The following SLC25A34 variants were observed in gnomAD, a reference collection of about 807,000 sequenced individuals.
The protein encoded by SLC25A34 is solute carrier family 25 member 34.
Under a neutral mutation model 28.1 loss-of-function variants are expected in SLC25A34, and 26 were observed. The ratio of observed to expected loss-of-function variants is 0.93; its 90% CI spans 0.68 to 1.28. The LOEUF (loss-of-function observed/expected upper bound fraction) is 1.28. Ranked by LOEUF, SLC25A34 falls within the 50% of genes most tolerant of loss-of-function variation. The pLI is 0.00. For missense variants in SLC25A34, 384 were observed against 409.8 expected, an observed-to-expected ratio of 0.94 and a Z score of 0.54; for synonymous variants, 182 against 182.2, an observed-to-expected ratio of 1.00 and a Z score of 0.01.
At position 15,739,509 on chromosome 1, in the gene SLC25A34, G is replaced by A. The variant is rs1457532044; in HGVS notation, c.*103G>A. 1.5e-6 allele frequency: 2 copies of A among 1,373,660 alleles called. No individual in the cohort carries two copies. Among genetic ancestry groups the A allele is most frequent in the East Asian group, 2.6e-5 (1 of 38,214 alleles). 85.1% of individuals were successfully genotyped at this position (1,373,660 alleles called of 1,614,324 possible). ...GTCCCGGGGCGGGCCATGGGCCCAG[G>A]CCCTGCCAGAGGTCCCGGGAGAGTG... On this transcript the variant is annotated 3_prime_UTR_variant, in exon 5 of 5. Coordinates refer to ENST00000294454, the MANE Select transcript of SLC25A34 (RefSeq NM_207348.3).
chr1:15,739,150 C>A, intron 4 of SLC25A34, 74 bp from the exon 5 acceptor site: 1 of 1,542,872 alleles, frequency 6.5e-7, no homozygotes, highest in South Asian at 1.2e-5. Context: ...TGAAATTGAC[C>A]CGTGTGCCAA....
intron 3 of SLC25A34, 136 bp from the exon 4 acceptor site, chr1:15,738,457 TG>T: frequency 1.5e-6 from 2 of 1,349,082 alleles, no homozygotes; most frequent in Non-Finnish European, 2.0e-6. Context: ...GTGGCAGGGC[TG>T]GGGGATGGCT....
intron 3 of SLC25A34, 63 bp downstream of exon 3, chr1:15,738,308 G>A: frequency 6.6e-7 from 1 of 1,519,368 alleles, no homozygotes; most frequent in Admixed American, 2.2e-5. Flanking sequence ...GGGGCCACCT[G>A]CCTCCTTCCA....
intron 3 of SLC25A34, 128 bp from the exon 4 acceptor site, chr1:15,738,466 G>C: frequency 7.2e-7 from 1 of 1,382,936 alleles, no homozygotes; most frequent in Non-Finnish European, 9.6e-7. Flanking sequence ...CTGGGGGATG[G>C]CTGGAGGGGC....
In SLC25A34 at chr1:15,738,193, C is replaced by T; in HGVS notation, c.545C>T (p.Ala182Val). 2 of 1,605,432 alleles carry T rather than the reference C, an allele frequency of 1.2e-6. No individual in the cohort carries two copies. Among genetic ancestry groups the T allele is most frequent in the Non-Finnish European group, 1.7e-6 (2 of 1,175,990 alleles). ...GTGCCCCGAGTCATGGTGGGCTCAG[C>T]TGCCCAGCTGGCCACCTTCGCCTCT... The part of the protein sequence containing the change: ...GAVPRVMVGS[A>V]AQLATFASAK... Residue 182 changes from alanine (A) to valine (V), a missense_variant, in exon 3 of 5, where the codon GCT becomes GTT. Ala to Val is a moderately conservative substitution (Grantham distance 64). Transcript: ENST00000294454.
In SLC25A34 at chr1:15,736,772, A is replaced by G. The variant is rs763020784; in HGVS notation, c.287A>G (p.Gln96Arg). Reference sequence around the variant, plus strand: ...TTCTACTGCTACAGCCTGGCGTGCCAGGCTGGCCTCACGCAGCAACCAGGT... The same window carrying G: ...TTCTACTGCTACAGCCTGGCGTGCCGGGCTGGCCTCACGCAGCAACCAGGT... ...VRFYCYSLAC[Q>R]AGLTQQPGGT... Residue 96 changes from glutamine (Q) to arginine (R), a missense_variant, in exon 1 of 5, where the codon CAG (glutamine) becomes CGG (arginine). Physicochemically the swap from Gln to Arg is conservative, Grantham distance 43 (BLOSUM62 1). Transcript: ENST00000294454. The G allele has an allele frequency of 4.4e-6, 7 of 1,606,720 alleles. No individual in the cohort carries two copies. Among genetic ancestry groups the G allele is most frequent in the Middle Eastern group, 1.7e-4 (1 of 6,030 alleles).
Position 15,739,500 on chromosome 1 carries a change from T to C in SLC25A34, c.*94T>C, listed in dbSNP as rs2068260863. 7.1e-7 allele frequency: 1 copy of C among 1,416,072 alleles called. No homozygotes were observed. Among genetic ancestry groups the C allele is most frequent in the Non-Finnish European group, 9.3e-7 (1 of 1,072,684 alleles). 87.7% of individuals were successfully genotyped at this position (1,416,072 alleles called of 1,614,324 possible). On this transcript the variant is annotated 3_prime_UTR_variant, in exon 5 of 5. Transcript: ENST00000294454. The stretch of plus-strand genomic sequence containing the variant: ...CAACTGGCTGTCCCGGGGCGGGCCA[T>C]GGGCCCAGGCCCTGCCAGAGGTCCC...
rs1247355864 is a variant in SLC25A34, at chr1:15,739,882, C to T, written c.*476C>T. 3.3e-5 allele frequency: 5 copies of T among 153,140 alleles called. No individual in the cohort carries two copies. The highest frequency in any genetic ancestry group is 9.6e-5 in the African/African-American group (4 of 41,504). 9.5% of individuals were successfully genotyped at this position (153,140 alleles called of 1,614,324 possible). On this transcript the variant is annotated 3_prime_UTR_variant, in exon 5 of 5. Transcript: ENST00000294454. ...GGACTGGAGCTTAGCCCTGCTCACC[C>T]TAGACCTATGCGCTTGACAAGTGCG...
At position 15,736,462 on chromosome 1, in the gene SLC25A34, C is replaced by T. The variant is rs1243631717; in HGVS notation, c.-24C>T. 2.1e-6 allele frequency: 3 copies of T among 1,429,718 alleles called. No individual in the cohort carries two copies. In the East Asian group the frequency reaches 7.9e-5, roughly 38 times the overall value. The allele number at this position is 1,429,718 out of a possible 1,614,324, so 88.6% of individuals were successfully genotyped here. On this transcript the variant is annotated 5_prime_UTR_variant, in exon 1 of 5. Coordinates refer to ENST00000294454, the MANE Select transcript of SLC25A34 (RefSeq NM_207348.3). ...CTGTGCCGTGCCCCTGACCCGGGCA[C>T]AGAAGGCCACTGGCCCGGAGGCCAT...
intron 1 of SLC25A34, 86 bp from the exon 2 acceptor site, chr1:15,737,843 C>T (rs997454232): frequency 2.9e-5 from 43 of 1,479,230 alleles, no homozygotes; most frequent in South Asian, 1.4e-4. Flanking sequence ...TTCAGGGGCA[C>T]GGGGGCAGGG....
rs765006576 is a variant in SLC25A34 at position 15,737,936 on chromosome 1, C to T, written c.386C>T (p.Thr129Met). The change falls in exon 2 of 5, where the codon ACG becomes ATG. Residue 129 changes from threonine (T) to methionine (M), a missense_variant. Coordinates refer to ENST00000294454, the MANE Select transcript of SLC25A34 (RefSeq NM_207348.3). ...FVGSPAYLIKTQLQAQTVAAV... is the reference protein window; with the variant it reads ...FVGSPAYLIKMQLQAQTVAAV... ...TCCTCTCTGCTCCCATAGATCAAAA[C>T]GCAGCTGCAAGCTCAGACAGTGGCC... 2.0e-5 allele frequency: 33 copies of T among 1,614,090 alleles called. No homozygotes were observed. The highest frequency in any genetic ancestry group is 6.7e-5 in the East Asian group (3 of 44,872).
At chr1:15,737,839 G>T in intron 1 of SLC25A34, 90 bp from the exon 2 acceptor site, 1 of 1,429,370 alleles carries the variant, frequency 7.0e-7, no homozygotes, top group Non-Finnish European at 9.8e-7. Flanking sequence ...GAGTTTCAGG[G>T]GCACGGGGGC....
chr1:15,741,166 C>T lies in SLC25A34; in HGVS notation c.*1760C>T, dbSNP rs2068276907. ...GACGTGGCAGGGCCAGCAGCAGACC[C>T]TGGGCCTTTCTCTAGACTGAGCACC... On this transcript the variant is annotated 3_prime_UTR_variant, in exon 5 of 5. Coordinates refer to ENST00000294454, the MANE Select transcript of SLC25A34 (RefSeq NM_207348.3). 1 of 152,584 alleles carries T rather than the reference C, an allele frequency of 6.6e-6. No individual in the cohort carries two copies. The highest frequency in any genetic ancestry group is 1.5e-5 in the Non-Finnish European group (1 of 68,158). The allele number at this position is 152,584 out of a possible 1,614,324, so 9.5% of individuals were successfully genotyped here. A position where few individuals can be genotyped will look rare whatever the true frequency, so the allele number is the denominator to read the frequency against.
In SLC25A34 at chr1:15,737,924, C is replaced by T. The variant is rs760375205; in HGVS notation, c.379-5C>T. The T allele has an allele frequency of 1.1e-4, 182 of 1,613,982 alleles. No individual in the cohort carries two copies. Among genetic ancestry groups the T allele is most frequent in the Non-Finnish European group, 1.5e-4 (175 of 1,180,034 alleles). ...CCCACACCCGTGTCCTCTCTGCTCC[C>T]ATAGATCAAAACGCAGCTGCAAGCT... On this transcript the variant is annotated splice_polypyrimidine_tract_variant and splice_region_variant and intron_variant, in intron 1 of 4. Transcript: ENST00000294454.
chr1:15,740,947 T>G lies in SLC25A34; in HGVS notation c.*1541T>G, dbSNP rs1403660871. The G allele has an allele frequency of 6.6e-6, 1 of 152,284 alleles. No individual in the cohort carries two copies. Among genetic ancestry groups the G allele is most frequent in the Non-Finnish European group, 1.5e-5 (1 of 68,116 alleles). The allele number at this position is 152,284 out of a possible 1,614,324, so 9.4% of individuals were successfully genotyped here. A position where few individuals can be genotyped will look rare whatever the true frequency, so the allele number is the denominator to read the frequency against. On this transcript the variant is annotated 3_prime_UTR_variant, in exon 5 of 5. Coordinates refer to ENST00000294454, the MANE Select transcript of SLC25A34 (RefSeq NM_207348.3). ...TGCCGCCCGCCTCGGCCTCCCAAAATGCTGGGATTACAGGCGTGAGCCACC... is the reference window on the plus strand; with the variant it reads ...TGCCGCCCGCCTCGGCCTCCCAAAAGGCTGGGATTACAGGCGTGAGCCACC...
intron 3 of SLC25A34, 95 bp from the exon 4 acceptor site, chr1:15,738,499 G>A: frequency 3.3e-6 from 5 of 1,504,472 alleles, no homozygotes; most frequent in South Asian, 2.6e-5. Flanking sequence ...CCTTTCTGTA[G>A]CCCTTTTAGC....
At chr1:15,738,802 A>C in intron 4 of SLC25A34, 74 bp downstream of exon 4, 8 of 1,245,982 alleles carry the variant, frequency 6.4e-6, no homozygotes, top group Non-Finnish European at 8.4e-6. Flanking sequence ...ACACACACAC[A>C]CTCTCACACA....
At position 15,739,424 on chromosome 1, in the gene SLC25A34, C is replaced by A. The variant is rs201412857; in HGVS notation, c.*18C>A. 8.0e-6 allele frequency: 12 copies of A among 1,491,510 alleles called. No individual in the cohort carries two copies. Among genetic ancestry groups the A allele is most frequent in the East Asian group, 2.4e-5 (1 of 41,164 alleles). The allele number at this position is 1,491,510 out of a possible 1,614,324, so 92.4% of individuals were successfully genotyped here. A position where few individuals can be genotyped will look rare whatever the true frequency, so the allele number is the denominator to read the frequency against. On this transcript the variant is annotated 3_prime_UTR_variant, in exon 5 of 5. Coordinates refer to ENST00000294454, the MANE Select transcript of SLC25A34 (RefSeq NM_207348.3). ...GCACCTAGACGACGGCCCTCACCCC[C>A]ACGTCCTGACACGGCCGGCACTTGG...
At chr1:15,738,025 G>A in intron 2 of SLC25A34, 31 bp downstream of exon 2, 1 of 1,613,964 alleles carries the variant, frequency 6.2e-7, no homozygotes, top group Non-Finnish European at 8.5e-7. Flanking sequence ...AGCTCCCTGG[G>A]GGCATGGATT....
Sources: gnomAD v4.1 joint callset for allele counts on GRCh38, gnomAD v4.1.1 for gene constraint, MANE v1.5 for transcripts, NCBI Gene and HGNC (gene_info 2026-07-23, HGNC 2026-07-21) for gene names.